GPR55: variants seen among roughly 807,000 people sequenced by gnomAD.
GPR55 encodes the protein G protein-coupled receptor 55.
Under a neutral mutation model 7.9 loss-of-function variants are expected in GPR55, and 6 were observed. The ratio of observed to expected loss-of-function variants is 0.76; its 90% CI spans 0.41 to 1.49. The LOEUF is 1.49. Among genes scored for constraint, GPR55 ranks in the 40% most tolerant of loss-of-function variants. GPR55 has a pLI of 0.01. For missense variants in GPR55, 376 were observed against 406.0 expected (o/e 0.93, Z 0.63); for synonymous variants, 183 against 166.8 (o/e 1.10, Z -0.75).
intron 1 of GPR55, among the ~76,000 whole-genome samples, chr2:230,915,278 C>T (rs568403196): frequency 2.6e-5 from 4 of 152,308 alleles, no homozygotes; most frequent in Admixed American, 6.5e-5. Context: ...AGGAGCCATC[C>T]CAGTGCTGCC....
chr2:230,940,306 G>T (rs1199122854), intron 1 of GPR55, among the ~76,000 whole-genome samples: 1 of 152,144 alleles, frequency 6.6e-6, no homozygotes, highest in Admixed American at 6.5e-5. Flanking sequence ...CAGAGCTCAA[G>T]GCTGGGGTTT....
intron 1 of GPR55, among the ~76,000 whole-genome samples, chr2:230,938,845 C>A (rs1691174498): frequency 6.6e-6 from 1 of 152,168 alleles, no homozygotes; most frequent in South Asian, 2.1e-4. Flanking sequence ...ATTATTTGTT[C>A]ATGAGAGCCT....
At position 230,911,112 on chromosome 2, in the gene GPR55, GA is replaced by G. The variant is rs1344681628; in HGVS notation, c.-134-17del. 1.3e-6 allele frequency: 1 copy of G among 767,262 alleles called. No individual in the cohort carries two copies. Among genetic ancestry groups the G allele is most frequent in the African/African-American group, 1.7e-5 (1 of 57,310 alleles). The allele number at this position is 767,262 out of a possible 1,614,324, so 47.5% of individuals were successfully genotyped here. Reference sequence around the variant, plus strand: ...TGAATCACAACTAGAACACAGAAAAGAAAAATTACCTTTAATCCTGCTGCCC... The same window carrying G: ...TGAATCACAACTAGAACACAGAAAAGAAAATTACCTTTAATCCTGCTGCCC... On this transcript the variant is annotated splice_polypyrimidine_tract_variant and intron_variant, in intron 1 of 1. Transcript: ENST00000650999.
intron 1 of GPR55, among the ~76,000 whole-genome samples, chr2:230,916,537 A>G (rs1690721543): frequency 6.6e-6 from 1 of 152,162 alleles, no homozygotes; most frequent in Non-Finnish European, 1.5e-5. Context: ...GAAAAAAAAA[A>G]AAGAGATAAT....
intron 1 of GPR55, among the ~76,000 whole-genome samples, chr2:230,959,491 A>G (rs926393923): frequency 2.2e-4 from 33 of 152,170 alleles, no homozygotes; most frequent in African/African-American, 5.8e-4. Context: ...TCATTTAGTT[A>G]TTCCCAGCAA....
upstream of GPR55, among the ~76,000 whole-genome samples, chr2:230,930,240 T>A (rs185668598): frequency 6.6e-6 from 1 of 152,360 alleles, no homozygotes; most frequent in East Asian, 1.9e-4. Context: ...TGGACCCTTT[T>A]GAAATACTTA....
chr2:230,911,679 C>A (rs1690595878), intron 1 of GPR55, among the ~76,000 whole-genome samples: 2 of 152,198 alleles, frequency 1.3e-5, no homozygotes. Flanking sequence ...AGGTCTGCAG[C>A]TGCTGCAGCC....
chr2:230,914,059 C>T (rs1690655797), intron 1 of GPR55, among the ~76,000 whole-genome samples: 1 of 152,196 alleles, frequency 6.6e-6, no homozygotes, highest in Non-Finnish European at 1.5e-5. Context: ...CTGTTACCGG[C>T]CAACTGCATG....
chr2:230,928,712 A>G (rs1325747252), upstream of GPR55: 2 of 152,184 alleles, frequency 1.3e-5, no homozygotes, highest in East Asian at 3.8e-4. Flanking sequence ...AAGGAGGAAC[A>G]TTGATAATGA....
intron 1 of GPR55, among the ~76,000 whole-genome samples, chr2:230,931,936 C>T (rs1559175503): frequency 6.6e-6 from 1 of 152,120 alleles, no homozygotes. Context: ...GGCACCAGCA[C>T]CCCTCACCCC....
intron 1 of GPR55, among the ~76,000 whole-genome samples, chr2:230,942,002 C>G (rs1442012544): frequency 2.6e-5 from 4 of 152,118 alleles, no homozygotes; most frequent in Non-Finnish European, 5.9e-5. Context: ...TGCAGGGGAG[C>G]CTGATGCCCG....
chr2:230,927,199 G>T (rs570499691), upstream of GPR55, among the ~76,000 whole-genome samples: 1 of 152,004 alleles, frequency 6.6e-6, no homozygotes, highest in Non-Finnish European at 1.5e-5. Flanking sequence ...TTCTGTGCCC[G>T]CCCGTGTACA....
In GPR55 at chr2:230,955,664, G is replaced by A. The variant is rs547021588; in HGVS notation, c.-135+5111C>T. Among the ~76,000 whole-genome samples the A allele has an allele frequency of 7.9e-5, 12 of 152,344 alleles. 1 individual carries two copies. The East Asian group carries it at 2.3e-3, about 29-fold the overall frequency. ...TACACTTAAATGGTAGACCATAAAG[G>A]AGACTCATATGGGAAAACACAGCCA... On this transcript the variant is annotated intron_variant, in intron 1 of 1. Transcript: ENST00000392039.
Position 230,908,839 on chromosome 2 carries a change from C to T in GPR55, c.*1164G>A, listed in dbSNP as rs1037565698. 6.6e-6 allele frequency: 1 copy of T among 152,340 alleles called. No individual in the cohort carries two copies. Among genetic ancestry groups the T allele is most frequent in the Non-Finnish European group, 1.5e-5 (1 of 68,144 alleles). 9.4% of individuals were successfully genotyped at this position (152,340 alleles called of 1,614,324 possible). A position where few individuals can be genotyped will look rare whatever the true frequency, so the allele number is the denominator to read the frequency against. ...CCGTTGAGAAGCCATCCAGGCGTGACTCAATTGTTTACAGTTTCCTGGGAC... is the reference window on the plus strand; with the variant it reads ...CCGTTGAGAAGCCATCCAGGCGTGATTCAATTGTTTACAGTTTCCTGGGAC... On this transcript the variant is annotated 3_prime_UTR_variant, in exon 2 of 2. Transcript: ENST00000650999.
At chr2:230,926,703 T>C (rs1690949021), upstream of GPR55, among the ~76,000 whole-genome samples, 1 of 144,754 alleles carries the variant, frequency 6.9e-6, no homozygotes, top group Non-Finnish European at 1.5e-5. Flanking sequence ...TTTTTTTTTT[T>C]TTTTGATACA....
At chr2:230,916,966 T>TA (rs1403584479) in intron 1 of GPR55, among the ~76,000 whole-genome samples, 1 of 152,202 alleles carries the variant, frequency 6.6e-6, no homozygotes, top group Non-Finnish European at 1.5e-5. Flanking sequence ...AGGGTGCACT[T>TA]AAATGACACA....
chr2:230,941,406 G>A (rs1274048382), intron 1 of GPR55, among the ~76,000 whole-genome samples: 6 of 152,178 alleles, frequency 3.9e-5, no homozygotes, highest in Admixed American at 1.3e-4. Context: ...GTGGTATCCT[G>A]GGGGGCCTGC....
At chr2:230,950,772 A>G (rs7599849) in intron 1 of GPR55, among the ~76,000 whole-genome samples, 2,231 of 152,052 alleles carry the variant, frequency 0.015, 59 homozygotes, top group African/African-American at 0.051. Context: ...GGCCTTCTCC[A>G]GCTCTCCTTT....
At chr2:230,938,397 C>CA (rs66962280) in intron 1 of GPR55, among the ~76,000 whole-genome samples, 1,603 of 116,182 alleles carry the variant, frequency 0.014, 18 homozygotes, top group Middle Eastern at 0.048. Flanking sequence ...ACCAGATGAC[C>CA]AAAAAAAAAA....
Sources: gnomAD v4.1 joint callset for allele counts (sites outside exome capture counted in the v4.1 genomes callset) on GRCh38, gnomAD v4.1.1 for gene constraint, MANE v1.5 for transcripts, NCBI Gene and HGNC (gene_info 2026-07-23, HGNC 2026-07-21) for gene names.